RDX: variants seen among roughly 807,000 people sequenced by gnomAD.
RDX encodes the protein radixin.
A neutral mutation model predicts 83.7 loss-of-function variants in RDX; 32 were observed. The observed-to-expected ratio is 0.38, with a 90% CI of 0.29 to 0.51. The LOEUF is 0.51. RDX is among the 20% of genes least tolerant of loss of function. RDX has a pLI of 0.87. For synonymous variants in RDX, 229 were observed against 222.7 expected (o/e 1.03, Z -0.25); for missense variants, 600 against 689.9 (o/e 0.87, Z 1.46).
At chr11:110,190,066 A>T (rs1043505132) in intron 15 of RDX, among the ~76,000 whole-genome samples, 1 of 152,106 alleles carries the variant, frequency 6.6e-6, no homozygotes, top group African/African-American at 2.4e-5. Flanking sequence ...CTAGGCAACA[A>T]GAGCGAAACT....
intron 2 of RDX, among the ~76,000 whole-genome samples, chr11:110,273,999 A>G (rs1860406140): frequency 6.9e-6 from 1 of 144,676 alleles, no homozygotes; most frequent in African/African-American, 2.5e-5. Flanking sequence ...TCACACTATA[A>G]AAACTCTAAA....
At chr11:110,182,008 G>A (rs753457607) in intron 15 of RDX, among the ~76,000 whole-genome samples, 1 of 152,136 alleles carries the variant, frequency 6.6e-6, no homozygotes, top group East Asian at 1.9e-4. Context: ...TCCTCCCTCG[G>A]CCACCCTCTC....
At chr11:110,260,819 C>T (rs758297032) in intron 5 of RDX, among the ~76,000 whole-genome samples, 14 of 152,178 alleles carry the variant, frequency 9.2e-5, no homozygotes, top group African/African-American at 2.9e-4. Context: ...AATACTAATA[C>T]ACTATATTAT....
At position 110,257,774 on chromosome 11, in the gene RDX, C is replaced by A; in HGVS notation, c.691G>T (p.Asp231Tyr). Reference protein sequence around the residue: ...DALGLNIYEHDDKLTPKIGFP... With the variant: ...DALGLNIYEHYDKLTPKIGFP... The stretch of plus-strand genomic sequence containing the variant: ...TGCAACTAATTTACTTACTTGTCGT[C>A]ATGCTCATAAATATTCAGACCCAAA... Residue 231 changes from aspartate (D) to tyrosine (Y), a missense_variant, in exon 7 of 14, where the codon GAC (aspartate) becomes TAC (tyrosine). By Grantham distance (160) the Asp-to-Tyr change is radical. Transcript: ENST00000645495. The A allele has an allele frequency of 6.2e-7, 1 of 1,611,716 alleles. No homozygotes were observed. Among genetic ancestry groups the A allele is most frequent in the Non-Finnish European group, 8.5e-7 (1 of 1,179,664 alleles).
intron 4 of RDX, among the ~76,000 whole-genome samples, chr11:110,264,459 T>C (rs908949092): frequency 6.6e-6 from 1 of 152,148 alleles, no homozygotes; most frequent in African/African-American, 2.4e-5. Context: ...AATTGAAAAC[T>C]TTTTTTCATA....
chr11:110,280,371 G>A (rs1443495143), intron 1 of RDX, among the ~76,000 whole-genome samples: 4 of 152,116 alleles, frequency 2.6e-5, no homozygotes, highest in Admixed American at 2.6e-4. Context: ...GGGCTCCCAA[G>A]TAGCTAGGAT....
chr11:110,235,872 G>A (rs1565306546), intron 12 of RDX, among the ~76,000 whole-genome samples: 1 of 152,178 alleles, frequency 6.6e-6, no homozygotes, highest in East Asian at 1.9e-4. Flanking sequence ...CAGCTTAAAT[G>A]TATATGGGTC....
intron 14 of RDX, among the ~76,000 whole-genome samples, chr11:110,223,883 T>C (rs1032996355): frequency 6.6e-6 from 1 of 152,042 alleles, no homozygotes; most frequent in African/African-American, 2.4e-5. Context: ...CTGACCAACA[T>C]GGAGAATGGA....
chr11:110,284,322 T>C (rs1027445699), intron 1 of RDX, among the ~76,000 whole-genome samples: 10 of 152,216 alleles, frequency 6.6e-5, no homozygotes, highest in African/African-American at 2.4e-4. Context: ...ACAGCAGCAT[T>C]CTTTACAATA....
intron 15 of RDX, among the ~76,000 whole-genome samples, chr11:110,180,886 GCC>G (rs781484523): frequency 4.5e-4 from 68 of 152,078 alleles, no homozygotes; most frequent in Non-Finnish European, 2.6e-4. Flanking sequence ...TCTTGGATGT[GCC>G]CCGTGTTATA....
intron 15 of RDX, among the ~76,000 whole-genome samples, chr11:110,188,801 AAG>A (rs1863039035): frequency 6.6e-6 from 1 of 152,152 alleles, no homozygotes. Flanking sequence ...AGCAATCACT[AAG>A]AGAATTTTTT....
downstream of RDX, among the ~76,000 whole-genome samples, chr11:110,227,225 G>A (rs930671002): frequency 1.3e-5 from 2 of 151,976 alleles, no homozygotes; most frequent in African/African-American, 4.8e-5. Flanking sequence ...GTAATACAGT[G>A]CAAGAAGAAT....
At position 110,254,017 on chromosome 11, in the gene RDX, C is replaced by T; in HGVS notation, c.888G>A (p.Lys296=). 6.2e-7 allele frequency: 1 copy of T among 1,613,752 alleles called. No homozygotes were observed. ...GNHELYMRRR[K]PDTIEVQQMK... ...TCTGTTGTACTTCAATAGTATCAGG[C>T]TTCCTTCTTCGCATGTATAGTTCAT... The change falls in exon 9 of 14, where the codon AAG becomes AAA. Residue 296 remains lysine, a synonymous_variant. Transcript: ENST00000645495.
At chr11:110,259,363 T>C (rs1002664472) in intron 5 of RDX, among the ~76,000 whole-genome samples, 1 of 152,258 alleles carries the variant, frequency 6.6e-6, no homozygotes, top group Non-Finnish European at 1.5e-5. Context: ...CATATGATAA[T>C]TATTCACCTT....
At chr11:110,196,562 C>T (rs953374930) in intron 15 of RDX, among the ~76,000 whole-genome samples, 3 of 152,210 alleles carry the variant, frequency 2.0e-5, no homozygotes, top group Admixed American at 6.5e-5. Context: ...ACCTTAGTGA[C>T]GTGAATCCCA....
chr11:110,227,898 C>G (rs2134288413), downstream of RDX, among the ~76,000 whole-genome samples: 1 of 152,154 alleles, frequency 6.6e-6, no homozygotes, highest in Admixed American at 6.5e-5. Flanking sequence ...TACTTCAACT[C>G]CTAAAGTAGT....
chr11:110,236,020 A>G, intron 12 of RDX, 79 bp downstream of exon 12: 1 of 983,696 alleles, frequency 1.0e-6, no homozygotes, highest in South Asian at 1.3e-5. Flanking sequence ...ACAGTATCTT[A>G]CACTTATCAC....
At chr11:110,276,876 T>C (rs1022091124) in intron 2 of RDX, among the ~76,000 whole-genome samples, 1 of 152,222 alleles carries the variant, frequency 6.6e-6, no homozygotes, top group Non-Finnish European at 1.5e-5. Context: ...AGACTATCAC[T>C]TGTAGTGAAT....
intron 15 of RDX, among the ~76,000 whole-genome samples, chr11:110,186,436 T>C (rs1306477629): frequency 6.6e-6 from 1 of 152,160 alleles, no homozygotes; most frequent in African/African-American, 2.4e-5. Flanking sequence ...ACTCGTTTTT[T>C]TTTCCCCGCA....
Sources: allele counts gnomAD v4.1 joint callset (sites outside exome capture counted in the v4.1 genomes callset), GRCh38; gene constraint gnomAD v4.1.1; transcripts MANE v1.5; gene names NCBI Gene and HGNC (gene_info 2026-07-23, HGNC 2026-07-21).